The following BMERB1 variants were observed in gnomAD, a reference collection of about 807,000 sequenced individuals.
The protein encoded by BMERB1 is bMERB domain containing 1.
Under a neutral mutation model 23.6 loss-of-function variants are expected in BMERB1, and 12 were observed. The ratio of observed to expected loss-of-function variants is 0.51; its 90% CI spans 0.33 to 0.82. BMERB1 has a LOEUF of 0.82. Ranked by LOEUF, BMERB1 falls within the 40% of genes least tolerant of loss-of-function variation. The pLI is 0.03. For missense variants in BMERB1, 247 were observed against 255.4 expected (o/e 0.97, Z 0.22); for synonymous variants, 122 against 96.6 (o/e 1.26, Z -1.54).
intron 2 of BMERB1, among the ~76,000 whole-genome samples, chr16:15,531,671 T>G (rs766780012): frequency 3.3e-5 from 5 of 152,070 alleles, no homozygotes; most frequent in African/African-American, 4.8e-5. Context: ...AAAAGAAGCT[T>G]CTTAGAAAGA....
intron 5 of BMERB1, among the ~76,000 whole-genome samples, chr16:15,584,402 C>CA: frequency 6.6e-6 from 1 of 151,772 alleles, no homozygotes; most frequent in Non-Finnish European, 1.5e-5. Context: ...ACTAAAAATA[C>CA]AAAAAATTAG....
chr16:15,565,966 C>T (rs752966935), intron 2 of BMERB1, among the ~76,000 whole-genome samples: 10 of 152,186 alleles, frequency 6.6e-5, no homozygotes, highest in Non-Finnish European at 1.5e-4. Flanking sequence ...GCCCTTTGTA[C>T]ACAGTGATTC....
intron 3 of BMERB1, 119 bp downstream of exon 3, chr16:15,568,175 C>A: frequency 2.6e-6 from 2 of 758,830 alleles, no homozygotes; most frequent in Middle Eastern, 3.8e-4. Flanking sequence ...TGCTCCCTGA[C>A]TGCATGTGTC....
At chr16:15,501,220 T>C (rs544771650) in intron 1 of BMERB1, among the ~76,000 whole-genome samples, 1 of 151,702 alleles carries the variant, frequency 6.6e-6, no homozygotes, top group African/African-American at 2.4e-5. Flanking sequence ...GCTCAAGTGA[T>C]CCCCCTGCCT....
chr16:15,460,200 G>A (rs1467429529), intron 1 of BMERB1, among the ~76,000 whole-genome samples: 1 of 152,166 alleles, frequency 6.6e-6, no homozygotes, highest in African/African-American at 2.4e-5. Context: ...TTCTCTGAGT[G>A]GGAGGATGGG....
intron 2 of BMERB1, chr16:15,533,196 G>C (rs1309625794): frequency 6.1e-6 from 2 of 326,990 alleles, no homozygotes. Flanking sequence ...TTTGGAAATG[G>C]ATAGATACAG....
intron 1 of BMERB1, among the ~76,000 whole-genome samples, chr16:15,496,670 C>T (rs2150941428): frequency 6.6e-6 from 1 of 152,180 alleles, no homozygotes; most frequent in Middle Eastern, 3.4e-3. Flanking sequence ...TCCCGAGTAG[C>T]TGGGACTACA....
At chr16:15,539,703 C>T (rs2052059877) in intron 2 of BMERB1, among the ~76,000 whole-genome samples, 1 of 151,804 alleles carries the variant, frequency 6.6e-6, no homozygotes, top group Non-Finnish European at 1.5e-5. Flanking sequence ...ATTAGCTGGG[C>T]GTGGTGGTGC....
rs974146790 is a variant in BMERB1, at chr16:15,434,941, G to C, written c.106+182G>C. 1.5e-4 allele frequency among the ~76,000 whole-genome samples: 23 copies of C among 152,332 alleles called. No homozygotes were observed. In the East Asian group the frequency reaches 1.9e-3, roughly 13 times the overall value. On this transcript the variant is annotated intron_variant, in intron 1 of 5. Transcript: ENST00000300006. ...CGACGCGCTCTCCCCGCGAACAAAA[G>C]GGGGGGACCCTCCGGGCTGAGCCTC...
intron 1 of BMERB1, among the ~76,000 whole-genome samples, chr16:15,490,253 C>G (rs188067360): frequency 6.6e-6 from 1 of 152,264 alleles, no homozygotes; most frequent in East Asian, 1.9e-4. Flanking sequence ...AGATGCCAGG[C>G]AGGGAACTCT....
At chr16:15,476,669 T>C (rs745697554) in intron 1 of BMERB1, among the ~76,000 whole-genome samples, 1 of 152,198 alleles carries the variant, frequency 6.6e-6, no homozygotes, top group African/African-American at 2.4e-5. Flanking sequence ...AGAAGAGTCA[T>C]GGTGAGTAGC....
intron 1 of BMERB1, among the ~76,000 whole-genome samples, chr16:15,437,550 C>A (rs1363474073): frequency 6.6e-6 from 1 of 152,132 alleles, no homozygotes; most frequent in African/African-American, 2.4e-5. Flanking sequence ...TATATCTTAA[C>A]ATTTTATGAG....
intron 1 of BMERB1, among the ~76,000 whole-genome samples, chr16:15,503,968 C>T (rs1310643666): frequency 1.3e-5 from 2 of 152,182 alleles, no homozygotes; most frequent in Non-Finnish European, 2.9e-5. Flanking sequence ...GGGTCTGCCA[C>T]GAAGCAGGTT....
intron 1 of BMERB1, among the ~76,000 whole-genome samples, chr16:15,497,479 G>A (rs1444845588): frequency 6.6e-6 from 1 of 152,134 alleles, no homozygotes; most frequent in Non-Finnish European, 1.5e-5. Context: ...AGACCAGAAA[G>A]GTCAATTTCT....
chr16:15,492,992 A>G (rs780798226), intron 1 of BMERB1, among the ~76,000 whole-genome samples: 3 of 143,636 alleles, frequency 2.1e-5, no homozygotes, highest in Non-Finnish European at 4.6e-5. Flanking sequence ...CAAACTCACA[A>G]CTTGTCTCAC....
At chr16:15,456,089 A>C (rs2051085306) in intron 1 of BMERB1, among the ~76,000 whole-genome samples, 1 of 152,154 alleles carries the variant, frequency 6.6e-6, no homozygotes, top group African/African-American at 2.4e-5. Flanking sequence ...TCATTATAAA[A>C]ATTCAAACAA....
chr16:15,515,864 T>A (rs1300883487), intron 2 of BMERB1, among the ~76,000 whole-genome samples: 6 of 152,030 alleles, frequency 3.9e-5, no homozygotes, highest in Non-Finnish European at 8.8e-5. Context: ...CAAGATGGGG[T>A]CTCTAGCAAC....
At chr16:15,475,148 G>A (rs781431424) in intron 1 of BMERB1, among the ~76,000 whole-genome samples, 12 of 152,242 alleles carry the variant, frequency 7.9e-5, no homozygotes, top group Non-Finnish European at 1.6e-4. Context: ...GGGGGTGTAC[G>A]TTTAGTTCCT....
chr16:15,448,909 A>G (rs1854294565), intron 1 of BMERB1, among the ~76,000 whole-genome samples: 1 of 152,232 alleles, frequency 6.6e-6, no homozygotes, highest in South Asian at 2.1e-4. Context: ...TAACAGGAAT[A>G]GGTACCATGA....
Sources: allele counts gnomAD v4.1 joint callset (sites outside exome capture counted in the v4.1 genomes callset), GRCh38; gene constraint gnomAD v4.1.1; transcripts MANE v1.5; gene names NCBI Gene and HGNC (gene_info 2026-07-23, HGNC 2026-07-21).